Variants in GALNT17 observed in about 807,000 individuals in gnomAD.
GALNT17 encodes the protein UDP-GalNAc:polypeptide N-acetylgalactosaminyltransferase-like 3.
In GALNT17, 29 loss-of-function variants were observed where a neutral mutation model predicts 63.7. That is an observed-to-expected ratio of 0.46 (90% CI 0.34 to 0.62). GALNT17 has a LOEUF of 0.62. Ranked by LOEUF, GALNT17 falls within the 20% of genes least tolerant of loss-of-function variation. The probability of loss-of-function intolerance (pLI) is 0.01; values close to 1 mark genes in which losing one functional copy is unlikely to be tolerated. For missense variants in GALNT17, 603 were observed against 799.6 expected (o/e 0.75, Z 2.97); for synonymous variants, 305 against 318.3 (o/e 0.96, Z 0.45).
intron 1 of GALNT17, among the ~76,000 whole-genome samples, chr7:71,270,667 AC>A (rs1346241841): frequency 6.6e-6 from 1 of 151,886 alleles, no homozygotes; most frequent in Non-Finnish European, 1.5e-5. Flanking sequence ...TGCATTCCAA[AC>A]CCTTACCCTC....
At chr7:71,618,122 C>T (rs996445675) in intron 6 of GALNT17, among the ~76,000 whole-genome samples, 22 of 152,262 alleles carry the variant, frequency 1.4e-4, no homozygotes, top group Non-Finnish European at 2.5e-4. Flanking sequence ...GCCTCCAGCT[C>T]AATTCATGTT....
At chr7:71,612,473 G>A (rs1034490201) in intron 6 of GALNT17, among the ~76,000 whole-genome samples, 1 of 152,218 alleles carries the variant, frequency 6.6e-6, no homozygotes, top group East Asian at 1.9e-4. Flanking sequence ...TTAAAGGAAT[G>A]CGTAAAGAAG....
chr7:71,558,906 G>A (rs1245718843), intron 5 of GALNT17, among the ~76,000 whole-genome samples: 3 of 152,076 alleles, frequency 2.0e-5, no homozygotes, highest in African/African-American at 7.2e-5. Context: ...CACCACTGGC[G>A]TTTTTTTCTG....
intron 2 of GALNT17, among the ~76,000 whole-genome samples, chr7:71,373,812 G>A (rs904113163): frequency 6.6e-6 from 1 of 152,086 alleles, no homozygotes; most frequent in Admixed American, 6.5e-5. Context: ...ACCGGTCCCT[G>A]CTGCCAAAAA....
intron 6 of GALNT17, among the ~76,000 whole-genome samples, chr7:71,656,191 G>T (rs1246244297): frequency 6.6e-6 from 1 of 152,198 alleles, no homozygotes; most frequent in Non-Finnish European, 1.5e-5. Flanking sequence ...GCCTAGTAAA[G>T]AAGGGAGAAA....
intron 1 of GALNT17, among the ~76,000 whole-genome samples, chr7:71,320,555 A>G (rs1791587708): frequency 6.6e-6 from 1 of 152,174 alleles, no homozygotes; most frequent in Non-Finnish European, 1.5e-5. Context: ...CTGGCATCAG[A>G]TAAGTTCTTA....
At chr7:71,422,188 G>A (rs1198640017) in intron 5 of GALNT17, among the ~76,000 whole-genome samples, 1 of 152,210 alleles carries the variant, frequency 6.6e-6, no homozygotes, top group Admixed American at 6.5e-5. Context: ...GGGCTCTTGG[G>A]AGATCCATGT....
intron 4 of GALNT17, among the ~76,000 whole-genome samples, chr7:71,416,488 T>C (rs1016775281): frequency 1.3e-5 from 2 of 152,196 alleles, no homozygotes; most frequent in Middle Eastern, 3.4e-3. Context: ...GGAGCACGCC[T>C]GTAGTCTCGG....
chr7:71,262,679 C>CT (rs756742343), intron 1 of GALNT17, among the ~76,000 whole-genome samples: 7,669 of 124,622 alleles, frequency 0.062, 352 homozygotes, highest in Non-Finnish European at 0.098. Context: ...TTTTTACTTT[C>CT]TTTTTTTTTT....
At chr7:71,677,431 T>G (rs1025639594) in intron 9 of GALNT17, 125 bp downstream of exon 9, 1 of 923,902 alleles carries the variant, frequency 1.1e-6, no homozygotes, top group African/African-American at 1.7e-5. Context: ...TGAGAAAAAT[T>G]TTTAAGAAGA....
chr7:71,185,000 TTCCTTCC>T (rs1346230638), intron 1 of GALNT17, among the ~76,000 whole-genome samples: 2 of 111,122 alleles, frequency 1.8e-5, no homozygotes, highest in Non-Finnish European at 3.6e-5. Context: ...TCCTTCCTTC[TTCCTTCC>T]CTCCCTCCCT....
intron 6 of GALNT17, among the ~76,000 whole-genome samples, chr7:71,588,744 G>C (rs964260214): frequency 6.6e-6 from 1 of 152,024 alleles, no homozygotes; most frequent in Non-Finnish European, 1.5e-5. Context: ...ACATGGATTT[G>C]TTTTGTGTGG....
At chr7:71,240,375 C>T (rs1173398161) in intron 1 of GALNT17, among the ~76,000 whole-genome samples, 1 of 152,184 alleles carries the variant, frequency 6.6e-6, no homozygotes, top group East Asian at 1.9e-4. Context: ...GAACTCATCA[C>T]CTAGGTAGCA....
At chr7:71,261,970 C>A (rs1583809031) in intron 1 of GALNT17, among the ~76,000 whole-genome samples, 1 of 152,126 alleles carries the variant, frequency 6.6e-6, no homozygotes, top group East Asian at 1.9e-4. Context: ...GAGCCGTGAG[C>A]ACTGAGGGGG....
chr7:71,306,280 TAAC>T (rs1302686967), intron 1 of GALNT17, among the ~76,000 whole-genome samples: 1 of 80,356 alleles, frequency 1.2e-5, no homozygotes, highest in Non-Finnish European at 3.0e-5. Flanking sequence ...TTTACCATCT[TAAC>T]AATTTATATG....
chr7:71,376,425 G>GTTTTTT lies in GALNT17; in HGVS notation c.423-11787_423-11782dup, dbSNP rs57171551. On this transcript the variant is annotated intron_variant, in intron 2 of 10. Transcript: ENST00000333538. ...TTAATAAAACTTAAGGTTTGGAGTT[G>GTTTTTT]TTTTTTTTTTTTTTTTTTTTTTTTT... Among the ~76,000 whole-genome samples the GTTTTTT allele has an allele frequency of 6.3e-4, 40 of 63,366 alleles. 1 individual carries two copies. The East Asian group carries it at 6.5e-3, about 10-fold the overall frequency. 41.6% of individuals were successfully genotyped at this position (63,366 alleles called of 152,430 possible). A position where few individuals can be genotyped will look rare whatever the true frequency, so the allele number is the denominator to read the frequency against.
At chr7:71,547,288 C>T (rs1217730757) in intron 5 of GALNT17, among the ~76,000 whole-genome samples, 2 of 152,036 alleles carry the variant, frequency 1.3e-5, no homozygotes, top group Non-Finnish European at 2.9e-5. Flanking sequence ...CCTCAGCCTC[C>T]CGAGTACCTG....
At chr7:71,614,758 CAG>C (rs895712262) in intron 6 of GALNT17, among the ~76,000 whole-genome samples, 2 of 145,836 alleles carry the variant, frequency 1.4e-5, no homozygotes, top group Admixed American at 6.8e-5. Context: ...GCGAAAGAAA[CAG>C]AAAGAGAAAG....
chr7:71,467,881 T>C (rs966321307), intron 5 of GALNT17, among the ~76,000 whole-genome samples: 3 of 152,046 alleles, frequency 2.0e-5, no homozygotes, highest in African/African-American at 4.8e-5. Context: ...AGAGCCAAGG[T>C]GTATTGGCTA....
Sources: gnomAD v4.1 joint callset for allele counts (sites outside exome capture counted in the v4.1 genomes callset) on GRCh38, gnomAD v4.1.1 for gene constraint, MANE v1.5 for transcripts, NCBI Gene and HGNC (gene_info 2026-07-23, HGNC 2026-07-21) for gene names.